The following ADAD1 variants were observed in gnomAD, a reference collection of about 807,000 sequenced individuals.
ADAD1 encodes adenosine deaminase domain containing 1.
Under a neutral mutation model 66.8 loss-of-function variants are expected in ADAD1, and 46 were observed. The observed-to-expected ratio is 0.69, with a 90% CI of 0.54 to 0.88. The LOEUF is 0.88. Ranked by LOEUF, ADAD1 falls within the 40% of genes least tolerant of loss-of-function variation. The pLI, the probability that ADAD1 is intolerant of heterozygous loss-of-function variation, is 0.00. For synonymous variants in ADAD1, 248 were observed against 229.4 expected (o/e 1.08, Z -0.73); for missense variants, 617 against 681.8 (o/e 0.91, Z 1.06).
At chr4:122,386,133 G>A (rs1282333429) in intron 5 of ADAD1, among the ~76,000 whole-genome samples, 2 of 151,998 alleles carry the variant, frequency 1.3e-5, no homozygotes, top group African/African-American at 4.8e-5. Context: ...CCTCCACAAT[G>A]GTTAAACTAA....
rs59864757 is a variant in ADAD1, at chr4:122,427,523, CTTTTTTTTTT to C, written c.1618-2086_1618-2077del. The stretch of plus-strand genomic sequence containing the variant: ...GAAATTGATATGGAAATCCAAAGGC[CTTTTTTTTTT>C]TTTTTTTTTTTTTTTTCCTGATGCG... On this transcript the variant is annotated intron_variant, in intron 12 of 12. Transcript: ENST00000296513. 1.7e-4 allele frequency among the ~76,000 whole-genome samples: 12 copies of C among 71,982 alleles called. No homozygotes were observed. The East Asian group carries it at 5.3e-3, about 32-fold the overall frequency. The allele number at this position is 71,982 out of a possible 152,430, so 47.2% of individuals were successfully genotyped here.
intron 12 of ADAD1, among the ~76,000 whole-genome samples, chr4:122,424,200 C>A (rs1161722527): frequency 6.6e-6 from 1 of 152,112 alleles, no homozygotes; most frequent in African/African-American, 2.4e-5. Context: ...AGCAGTACTT[C>A]CCTAAATGGA....
chr4:122,402,291 A>G (rs1220287163), intron 7 of ADAD1, among the ~76,000 whole-genome samples: 1 of 152,064 alleles, frequency 6.6e-6, no homozygotes, highest in Non-Finnish European at 1.5e-5. Flanking sequence ...CTTGGCTGAT[A>G]ATTATTGTTT....
At chr4:122,426,737 A>C (rs1212951216) in intron 12 of ADAD1, among the ~76,000 whole-genome samples, 1 of 152,244 alleles carries the variant, frequency 6.6e-6, no homozygotes, top group Non-Finnish European at 1.5e-5. Context: ...AAATTTGTAT[A>C]ATTATCTCAA....
chr4:122,408,703 T>C (rs2150575921), intron 8 of ADAD1, among the ~76,000 whole-genome samples: 1 of 152,004 alleles, frequency 6.6e-6, no homozygotes, highest in South Asian at 2.1e-4. Context: ...TGGGCAACAT[T>C]GTGGGACCTA....
chr4:122,421,416 T>C (rs1796996840), intron 12 of ADAD1, 26 bp downstream of exon 12: 1 of 1,485,224 alleles, frequency 6.7e-7, no homozygotes, highest in Non-Finnish European at 9.1e-7. Context: ...AATAAAGTTA[T>C]CATAGGAATA....
In ADAD1 at chr4:122,396,494, A is replaced by G. The variant is rs1165272538; in HGVS notation, c.724+117A>G. ...GCATTGATTTGAAGTGACTTTTTCT[A>G]GTAAGTGTGGGTCATTAAACACAAA... is the stretch of plus-strand genomic sequence containing the variant. On this transcript the variant is annotated intron_variant, in intron 7 of 12. Coordinates refer to ENST00000296513, the MANE Select transcript of ADAD1 (RefSeq NM_139243.4). The G allele has an allele frequency of 6.0e-6, 5 of 838,984 alleles. No homozygotes were observed. The African/African-American group carries it at 7.2e-5, about 12-fold the overall frequency. 52.0% of individuals were successfully genotyped at this position (838,984 alleles called of 1,614,324 possible).
At chr4:122,397,993 G>C (rs1209261023) in intron 7 of ADAD1, among the ~76,000 whole-genome samples, 3 of 152,132 alleles carry the variant, frequency 2.0e-5, no homozygotes, top group Non-Finnish European at 2.9e-5. Flanking sequence ...TGCCTCATCA[G>C]TTTTTAAAAA....
chr4:122,387,850 C>A (rs1054895437), intron 5 of ADAD1, among the ~76,000 whole-genome samples: 2 of 151,586 alleles, frequency 1.3e-5, no homozygotes, highest in African/African-American at 4.8e-5. Context: ...AGCTCTGCCT[C>A]CTGGGTTCAT....
intron 12 of ADAD1, among the ~76,000 whole-genome samples, chr4:122,423,990 G>A (rs7675731): frequency 0.25 from 37,816 of 152,080 alleles, 5,705 homozygotes; most frequent in Middle Eastern, 0.51. Context: ...GGTAAATTTT[G>A]TGACTCGTGA....
chr4:122,379,301 C>T (rs1003866421), intron 1 of ADAD1, 71 bp from the exon 2 acceptor site: 1 of 152,380 alleles, frequency 6.6e-6, no homozygotes, highest in African/African-American at 2.4e-5. Context: ...CAGTTGGACC[C>T]GGTCCTTGTG....
At position 122,415,479 on chromosome 4, in the gene ADAD1, C is replaced by T; in HGVS notation, c.1350C>T (p.Asn450=). 1 of 1,613,944 alleles carries T rather than the reference C, an allele frequency of 6.2e-7. No homozygotes were observed. Among genetic ancestry groups the T allele is most frequent in the Non-Finnish European group, 8.5e-7 (1 of 1,179,884 alleles). The change falls in exon 11 of 13, where the codon AAC becomes AAT. Residue 450 remains asparagine (N), a synonymous_variant. Transcript: ENST00000296513. ...TSKLPMFYLV[N]RPHISLVPSA... is the part of the protein sequence containing the mutation. Reference sequence around the variant, plus strand: ...AACTTCCAATGTTTTACTTAGTCAACAGACCTCATATTAGTTTAGTACCCT... The same window carrying T: ...AACTTCCAATGTTTTACTTAGTCAATAGACCTCATATTAGTTTAGTACCCT...
chr4:122,392,154 G>A (rs1795480043), intron 5 of ADAD1, among the ~76,000 whole-genome samples: 2 of 152,074 alleles, frequency 1.3e-5, no homozygotes, highest in African/African-American at 2.4e-5. Flanking sequence ...GAGTTTTAAA[G>A]TTCTGCTTAT....
chr4:122,409,107 G>A (rs893856099), intron 8 of ADAD1, among the ~76,000 whole-genome samples: 4 of 152,098 alleles, frequency 2.6e-5, no homozygotes, highest in African/African-American at 9.7e-5. Context: ...ATAGATAAGG[G>A]ATTCTTGAGG....
At chr4:122,388,432 A>G (rs1049764042) in intron 5 of ADAD1, among the ~76,000 whole-genome samples, 2 of 152,180 alleles carry the variant, frequency 1.3e-5, no homozygotes, top group South Asian at 2.1e-4. Context: ...GAATAGTTTC[A>G]GAAGGAATGG....
chr4:122,389,704 T>G (rs887634502), intron 5 of ADAD1, among the ~76,000 whole-genome samples: 1 of 152,230 alleles, frequency 6.6e-6, no homozygotes, highest in Non-Finnish European at 1.5e-5. Flanking sequence ...TTCCATTTAC[T>G]TGGTAGATTT....
chr4:122,428,047 A>G (rs1029727676), intron 12 of ADAD1, among the ~76,000 whole-genome samples: 1 of 151,440 alleles, frequency 6.6e-6, no homozygotes, highest in Non-Finnish European at 1.5e-5. Context: ...TTTTCAACAA[A>G]TAGTGCTGAA....
At chr4:122,401,256 T>C (rs1266751996) in intron 7 of ADAD1, among the ~76,000 whole-genome samples, 3 of 151,680 alleles carry the variant, frequency 2.0e-5, no homozygotes, top group African/African-American at 7.3e-5. Flanking sequence ...TCATTGTTGA[T>C]ACAAAGATCA....
At chr4:122,421,449 C>A in intron 12 of ADAD1, 59 bp downstream of exon 12, 13 of 1,359,586 alleles carry the variant, frequency 9.6e-6, no homozygotes, top group Non-Finnish European at 1.2e-5. Context: ...TTAATGTGGT[C>A]ATTTTAAAAT....
Sources: gnomAD v4.1 joint callset for allele counts (sites outside exome capture counted in the v4.1 genomes callset) on GRCh38, gnomAD v4.1.1 for gene constraint, MANE v1.5 for transcripts, NCBI Gene and HGNC (gene_info 2026-07-23, HGNC 2026-07-21) for gene names.